The following CLEC12A variants were observed in gnomAD, a reference collection of about 807,000 sequenced individuals.
The protein encoded by CLEC12A is C-type lectin domain family 12 member A.
A neutral mutation model predicts 26.5 loss-of-function variants in CLEC12A; 22 were observed. That is an observed-to-expected ratio of 0.83 (90% CI 0.59 to 1.19). The LOEUF (loss-of-function observed/expected upper bound fraction) is 1.19. CLEC12A is among the 50% of genes most tolerant of loss of function. The pLI, the probability that CLEC12A is intolerant of heterozygous loss-of-function variation, is 0.00. For missense variants in CLEC12A, 353 were observed against 315.6 expected, an observed-to-expected ratio of 1.12 and a Z score of -0.90; for synonymous variants, 119 against 101.9, an observed-to-expected ratio of 1.17 and a Z score of -1.01.
chr12:10,002,724 G>C, the CLEC12A span, among the ~76,000 whole-genome samples: 1 of 152,132 alleles, frequency 6.6e-6, no homozygotes, highest in South Asian at 2.1e-4. Flanking sequence ...TTACAGGCGT[G>C]AGCCACCGCA....
At chr12:9,965,627 T>C (rs570719857) in intron 1 of CLEC12A, among the ~76,000 whole-genome samples, 3 of 152,008 alleles carry the variant, frequency 2.0e-5, no homozygotes, top group Admixed American at 1.3e-4. Context: ...TTTGGCACCA[T>C]GGGGTGGTTA....
chr12:9,958,238 T>G (rs1863774121), intron 1 of CLEC12A, among the ~76,000 whole-genome samples: 1 of 152,242 alleles, frequency 6.6e-6, no homozygotes, highest in African/African-American at 2.4e-5. Flanking sequence ...TTTTAAATGC[T>G]GCAGAGTGGA....
At chr12:9,998,644 T>TTTTTTTG (rs368929442), downstream of CLEC12A, among the ~76,000 whole-genome samples, 8 of 145,738 alleles carry the variant, frequency 5.5e-5, no homozygotes, top group Admixed American at 3.5e-4. Flanking sequence ...GTGTTTGTAT[T>TTTTTTTG]TTTTGTTTTG....
At chr12:9,995,227 G>C (rs1865011046) in exon 5 of CLEC12A, 1 of 1,612,802 alleles carries the variant, frequency 6.2e-7, no homozygotes, top group Non-Finnish European at 8.5e-7. Context: ...AATTAAATGA[G>C]TCCTGGCTTT....
At chr12:9,964,169 G>A (rs1297007415) in intron 1 of CLEC12A, among the ~76,000 whole-genome samples, 1 of 152,128 alleles carries the variant, frequency 6.6e-6, no homozygotes, top group Non-Finnish European at 1.5e-5. Flanking sequence ...TGTGGAGGAG[G>A]GCGGCAGCTT....
At chr12:10,005,428 C>T in the CLEC12A span, among the ~76,000 whole-genome samples, 2 of 152,178 alleles carry the variant, frequency 1.3e-5, no homozygotes, top group Non-Finnish European at 2.9e-5. Context: ...GCCCAGGTTT[C>T]TTCCATTTTT....
intron 1 of CLEC12A, among the ~76,000 whole-genome samples, chr12:9,959,271 T>G (rs1178487686): frequency 6.6e-6 from 1 of 151,886 alleles, no homozygotes; most frequent in African/African-American, 2.4e-5. Flanking sequence ...GCCAACATGA[T>G]GAAACCCCAT....
At chr12:9,951,721 G>A in intron 1 of CLEC12A, 1 of 294,112 alleles carries the variant, frequency 3.4e-6, no homozygotes, top group East Asian at 8.4e-5. Flanking sequence ...GTGGTTGTTT[G>A]TGTGTTGATG....
chr12:9,969,174 G>C (rs117225569), upstream of CLEC12A, among the ~76,000 whole-genome samples: 2,343 of 152,222 alleles, frequency 0.015, 41 homozygotes, highest in Non-Finnish European at 0.022. Flanking sequence ...TCTAGTATTT[G>C]ATAGTACAGT....
chr12:10,005,715 AAATATATT>A, the CLEC12A span, among the ~76,000 whole-genome samples: 5 of 152,190 alleles, frequency 3.3e-5, no homozygotes, highest in Non-Finnish European at 4.4e-5. Flanking sequence ...CTGATGGGGT[AAATATATT>A]AATACATTTC....
At chr12:9,956,648 A>G (rs1231975218) in intron 1 of CLEC12A, among the ~76,000 whole-genome samples, 2 of 152,256 alleles carry the variant, frequency 1.3e-5, no homozygotes, top group African/African-American at 2.4e-5. Context: ...AAAAGCCTAT[A>G]TGAACAATAA....
chr12:9,985,769 C>A, downstream of CLEC12A: 1 of 290,640 alleles, frequency 3.4e-6, no homozygotes, highest in Non-Finnish European at 6.3e-6. Flanking sequence ...ACCCAAGAGG[C>A]TTTGTTACAA....
chr12:9,969,662 T>C (rs1424482145), upstream of CLEC12A, among the ~76,000 whole-genome samples: 1 of 152,188 alleles, frequency 6.6e-6, no homozygotes, highest in African/African-American at 2.4e-5. Context: ...AGCAGAGCAA[T>C]AGAACACAGA....
chr12:9,956,426 GCTGT>G (rs1423073256), intron 1 of CLEC12A, among the ~76,000 whole-genome samples: 1 of 152,104 alleles, frequency 6.6e-6, no homozygotes, highest in Non-Finnish European at 1.5e-5. Context: ...GAAATCCTGG[GCTGT>G]CTATCAGATA....
chr12:10,002,041 G>A, the CLEC12A span, among the ~76,000 whole-genome samples: 2 of 151,808 alleles, frequency 1.3e-5, no homozygotes, highest in South Asian at 2.1e-4. Flanking sequence ...CACCACGCCT[G>A]GCTAATTTTT....
At chr12:9,958,247 G>A (rs1646235407) in intron 1 of CLEC12A, among the ~76,000 whole-genome samples, 1 of 152,200 alleles carries the variant, frequency 6.6e-6, no homozygotes, top group South Asian at 2.1e-4. Context: ...CTGCAGAGTG[G>A]AAGATCCGGT....
Position 9,993,416 on chromosome 12 carries a change from A to AC in CLEC12A, n.1005-1602_1005-1601insC, listed in dbSNP as rs67232026. 182 of 551,760 alleles carry AC rather than the reference A, an allele frequency of 3.3e-4. 1 individual carries two copies. The highest frequency in any genetic ancestry group is 2.7e-3 in the South Asian group (140 of 52,084). 34.2% of individuals were successfully genotyped at this position (551,760 alleles called of 1,614,324 possible). A position where few individuals can be genotyped will look rare whatever the true frequency, so the allele number is the denominator to read the frequency against. On this transcript the variant is annotated intron_variant and non_coding_transcript_variant, in intron 4 of 4. Transcript: ENST00000449959. Reference sequence around the variant, plus strand: ...AATAGGAAAAAAAAACAAAAAAAAAAACGATTCTCATTGTTGAGAAAGTTC... The same window carrying AC: ...AATAGGAAAAAAAAACAAAAAAAAAACACGATTCTCATTGTTGAGAAAGTTC...
At chr12:9,983,688 G>A in intron 5 of CLEC12A, 1 of 539,988 alleles carries the variant, frequency 1.9e-6, no homozygotes. Flanking sequence ...TCAGATCCCT[G>A]CATACTCATC....
chr12:9,957,347 G>A (rs980640536), intron 1 of CLEC12A, among the ~76,000 whole-genome samples: 1 of 152,080 alleles, frequency 6.6e-6, no homozygotes, highest in Non-Finnish European at 1.5e-5. Flanking sequence ...AATTAGCTGG[G>A]TGTGGTGGTG....
Sources: allele counts gnomAD v4.1 joint callset (sites outside exome capture counted in the v4.1 genomes callset), GRCh38; gene constraint gnomAD v4.1.1; transcripts MANE v1.5; gene names NCBI Gene and HGNC (gene_info 2026-07-23, HGNC 2026-07-21).